MARCHF1: variants seen among roughly 807,000 people sequenced by gnomAD.
The protein encoded by MARCHF1 is membrane associated ring-CH-type finger 1.
A neutral mutation model predicts 54.2 loss-of-function variants in MARCHF1; 40 were observed. The ratio of observed to expected loss-of-function variants is 0.74; its 90% CI spans 0.57 to 0.96. The LOEUF (loss-of-function observed/expected upper bound fraction) is 0.96, where lower values mean the gene tolerates loss of function less well. Ranked by LOEUF, MARCHF1 falls within the 40% of genes least tolerant of loss-of-function variation. The probability of loss-of-function intolerance (pLI) is 0.00; values close to 1 mark genes in which losing one functional copy is unlikely to be tolerated. For missense variants in MARCHF1, 586 were observed against 656.5 expected (o/e 0.89, Z 1.17); for synonymous variants, 236 against 236.3 (o/e 1.00, Z 0.01).
intron 4 of MARCHF1, among the ~76,000 whole-genome samples, chr4:163,768,153 TA>T (rs1161277657): frequency 3.9e-5 from 6 of 152,224 alleles, no homozygotes; most frequent in Non-Finnish European, 7.4e-5. Flanking sequence ...AAATTGAACT[TA>T]AATGTTCTCT....
chr4:163,573,936 A>C (rs1489132461), intron 8 of MARCHF1, among the ~76,000 whole-genome samples: 1 of 150,062 alleles, frequency 6.7e-6, no homozygotes, highest in South Asian at 2.1e-4. Flanking sequence ...CCAACAGTGT[A>C]AAAGTGTTCC....
intron 5 of MARCHF1, among the ~76,000 whole-genome samples, chr4:163,620,015 T>C (rs1741628816): frequency 6.6e-6 from 1 of 152,152 alleles, no homozygotes; most frequent in African/African-American, 2.4e-5. Context: ...TTATTGCATA[T>C]ATGATAGCCA....
chr4:164,313,348 C>CAAAAAAAAAAAAAAAAAAA (rs553280791), intron 1 of MARCHF1, among the ~76,000 whole-genome samples: 20 of 80,226 alleles, frequency 2.5e-4, no homozygotes, highest in African/African-American at 8.9e-4. Flanking sequence ...GACTCTGTCT[C>CAAAAAAAAAAAAAAAAAAA]AAAAAAAAAA....
Position 163,612,683 on chromosome 4 carries a change from C to T in MARCHF1, c.598G>A (p.Gly200Arg). 3.9e-6 allele frequency: 6 copies of T among 1,535,538 alleles called. No individual in the cohort carries two copies. The highest frequency in any genetic ancestry group is 5.2e-6 in the Non-Finnish European group (6 of 1,146,540). Reference protein sequence around the residue: ...NNNKPCENLAGSSTPNGIELV... With the variant: ...NNNKPCENLARSSTPNGIELV... ...TCAATTCCGTTAGGAGTGGAAGACC[C>T]AGCTAAGTTTTCACACGGCTTATTA... The change falls in exon 7 of 10, where the codon GGG becomes AGG. Residue 200 changes from glycine to arginine, a missense_variant. Around this residue, in one of 3 missense-constraint regions of MARCHF1, gnomAD observed 387 missense variants for 394.6 expected, o/e 0.98. Transcript: ENST00000514618.
intron 3 of MARCHF1, among the ~76,000 whole-genome samples, chr4:163,919,688 ACT>A (rs1246814021): frequency 1.8e-4 from 27 of 152,052 alleles, no homozygotes; most frequent in African/African-American, 6.5e-4. Flanking sequence ...AGGAGTACAA[ACT>A]CTGTTATCTC....
chr4:163,640,799 ATTAG>A (rs1204997584), intron 5 of MARCHF1, among the ~76,000 whole-genome samples: 13 of 152,126 alleles, frequency 8.5e-5, no homozygotes, highest in Non-Finnish European at 1.6e-4. Flanking sequence ...TTAATTTTAG[ATTAG>A]TTAATTTATA....
At chr4:163,727,676 C>CT (rs1246359393) in intron 4 of MARCHF1, among the ~76,000 whole-genome samples, 58 of 145,270 alleles carry the variant, frequency 4.0e-4, no homozygotes, top group Middle Eastern at 3.6e-3. Flanking sequence ...AAGGTGTTTT[C>CT]TTTTTTTTTT....
intron 1 of MARCHF1, among the ~76,000 whole-genome samples, chr4:164,117,849 G>A (rs534143058): frequency 1.3e-5 from 2 of 151,694 alleles, no homozygotes; most frequent in African/African-American, 2.4e-5. Context: ...GCAGTGAGCC[G>A]AGATCCACCA....
In MARCHF1 at chr4:163,898,060, CAAAAAA is replaced by C. The variant is rs70948673; in HGVS notation, c.-38-43897_-38-43892del. ...TGGGTGACAGAGTGAGACTCCGTCTCAAAAAAAAAAAAAAAAAAAAAAAAATCCTTG... is the reference window on the plus strand; with the variant it reads ...TGGGTGACAGAGTGAGACTCCGTCTCAAAAAAAAAAAAAAAAAAATCCTTG... On this transcript the variant is annotated intron_variant, in intron 3 of 9. Transcript: ENST00000514618. 6.1e-5 allele frequency among the ~76,000 whole-genome samples: 5 copies of C among 81,860 alleles called. No homozygotes were observed. In the East Asian group the frequency reaches 1.3e-3, roughly 21 times the overall value. 53.7% of individuals were successfully genotyped at this position (81,860 alleles called of 152,430 possible).
At chr4:163,926,695 G>A (rs1036898994) in intron 3 of MARCHF1, among the ~76,000 whole-genome samples, 1 of 151,446 alleles carries the variant, frequency 6.6e-6, no homozygotes, top group African/African-American at 2.4e-5. Flanking sequence ...ATTACTAGTA[G>A]AAACTCATTT....
At chr4:163,549,735 C>T (rs1345245043) in intron 8 of MARCHF1, among the ~76,000 whole-genome samples, 1 of 150,352 alleles carries the variant, frequency 6.7e-6, no homozygotes, top group Non-Finnish European at 1.5e-5. Flanking sequence ...TCCAACAGAA[C>T]TCTATTATTC....
chr4:163,948,782 T>C (rs756593145), intron 3 of MARCHF1, among the ~76,000 whole-genome samples: 1 of 152,204 alleles, frequency 6.6e-6, no homozygotes, highest in Non-Finnish European at 1.5e-5. Context: ...CTACATTTAA[T>C]GGAACAATCA....
At chr4:164,222,112 C>CA in intron 1 of MARCHF1, among the ~76,000 whole-genome samples, 1 of 151,996 alleles carries the variant, frequency 6.6e-6, no homozygotes, top group African/African-American at 2.4e-5. Flanking sequence ...TTTCTAAGTG[C>CA]CTTTCAAATT....
chr4:164,013,770 C>T (rs76044027), intron 2 of MARCHF1, among the ~76,000 whole-genome samples: 2,418 of 152,240 alleles, frequency 0.016, 58 homozygotes, highest in African/African-American at 0.051. Context: ...TAGAATATTA[C>T]ATTAATCAAA....
intron 5 of MARCHF1, among the ~76,000 whole-genome samples, chr4:163,679,849 C>T (rs966821755): frequency 6.6e-6 from 1 of 152,112 alleles, no homozygotes; most frequent in Non-Finnish European, 1.5e-5. Context: ...ATCCGCCCGC[C>T]TCGGCCTCCC....
chr4:163,665,157 G>C (rs903972819), intron 5 of MARCHF1, among the ~76,000 whole-genome samples: 6 of 152,020 alleles, frequency 3.9e-5, no homozygotes, highest in African/African-American at 1.4e-4. Context: ...CAGAATTAAG[G>C]CAAATTGATT....
intron 1 of MARCHF1, among the ~76,000 whole-genome samples, chr4:164,290,211 G>A (rs1734254798): frequency 6.6e-6 from 1 of 151,962 alleles, no homozygotes; most frequent in South Asian, 2.1e-4. Flanking sequence ...TTGGCACCTT[G>A]GATAGTCCCC....
chr4:164,215,834 C>T (rs986378875), intron 1 of MARCHF1, among the ~76,000 whole-genome samples: 9 of 152,136 alleles, frequency 5.9e-5, no homozygotes, highest in Admixed American at 3.9e-4. Context: ...GTGAAATACA[C>T]TTTTCTATAT....
At chr4:164,300,379 A>G (rs945033622) in intron 1 of MARCHF1, among the ~76,000 whole-genome samples, 12 of 152,162 alleles carry the variant, frequency 7.9e-5, no homozygotes, top group African/African-American at 2.9e-4. Flanking sequence ...ACCTATGCCT[A>G]GGTTTCCGAT....
Sources: gnomAD v4.1 joint callset for allele counts (sites outside exome capture counted in the v4.1 genomes callset) on GRCh38, gnomAD v4.1.1 for gene constraint, gnomAD v4.1.1 regional missense constraint, MANE v1.5 for transcripts, NCBI Gene and HGNC (gene_info 2026-07-23, HGNC 2026-07-21) for gene names.